Variants in LRTM3 observed in about 807,000 individuals in gnomAD.
LRTM3 encodes leucine-rich repeat transmembrane protein 3.
At chr13:102,745,809 G>T in the LRTM3 span, 1 of 1,551,068 alleles carries the variant, frequency 6.4e-7, no homozygotes, top group African/African-American at 1.4e-5. Flanking sequence ...AACCTAACAT[G>T]ACTCTCTACC....
the LRTM3 span, chr13:102,734,267 T>A: frequency 1.3e-6 from 2 of 1,551,440 alleles, no homozygotes; most frequent in Middle Eastern, 1.7e-4. Context: ...ACTCCTTGCC[T>A]CTGCATCTGC....
the LRTM3 span, chr13:102,733,527 T>C: frequency 5.8e-6 from 9 of 1,551,250 alleles, no homozygotes; most frequent in Non-Finnish European, 4.4e-6. Flanking sequence ...GGACTGATTT[T>C]ATGGTTTAAG....
the LRTM3 span, chr13:102,738,267 T>C: frequency 6.4e-7 from 1 of 1,550,828 alleles, no homozygotes; most frequent in East Asian, 2.4e-5. Flanking sequence ...TTTTGTACTT[T>C]GATTGTGATA....
chr13:102,755,875 TTA>T, the LRTM3 span, among the ~76,000 whole-genome samples: 2 of 142,838 alleles, frequency 1.4e-5, no homozygotes, highest in African/African-American at 2.6e-5. Flanking sequence ...CAAAAAAAGT[TTA>T]TATATATATG....
chr13:102,758,992 C>T, the LRTM3 span: 1 of 1,057,866 alleles, frequency 9.5e-7, no homozygotes, highest in Non-Finnish European at 1.4e-6. Flanking sequence ...TTTCAGAGGC[C>T]CTGAAATATA....
the LRTM3 span, chr13:102,741,551 C>G: frequency 6.5e-7 from 1 of 1,550,108 alleles, no homozygotes; most frequent in Non-Finnish European, 8.7e-7. Flanking sequence ...AGTTACCTTT[C>G]CTGTGTTTTC....
chr13:102,740,275 C>CA, the LRTM3 span: 1 of 1,550,026 alleles, frequency 6.5e-7, no homozygotes, highest in Non-Finnish European at 8.7e-7. Flanking sequence ...CTAAAGGCAG[C>CA]ATTGAATCTT....
the LRTM3 span, chr13:102,734,890 G>A: frequency 6.4e-7 from 1 of 1,551,024 alleles, no homozygotes. Context: ...CCTCTTCCTT[G>A]TTCTGTGACA....
the LRTM3 span, chr13:102,745,191 A>G: frequency 6.4e-7 from 1 of 1,550,900 alleles, no homozygotes; most frequent in Admixed American, 2.0e-5. Context: ...CCTGAACGGA[A>G]CATGAAATGT....
the LRTM3 span, chr13:102,730,052 C>A: frequency 1.3e-6 from 2 of 1,551,442 alleles, no homozygotes; most frequent in South Asian, 2.4e-5. Context: ...ATTTGATGAA[C>A]TATGACACAA....
the LRTM3 span, chr13:102,741,562 C>T: frequency 6.5e-7 from 1 of 1,550,156 alleles, no homozygotes. Context: ...CTGTGTTTTC[C>T]AAATGAAGAG....
the LRTM3 span, among the ~76,000 whole-genome samples, chr13:102,751,281 G>T: frequency 2.0e-5 from 3 of 151,324 alleles, 1 homozygote. Context: ...CTTTAGGCTT[G>T]CAAGTCACCA....
chr13:102,747,023 T>C, the LRTM3 span: 2 of 1,551,308 alleles, frequency 1.3e-6, no homozygotes, highest in Non-Finnish European at 1.7e-6. Flanking sequence ...CTTCTCTAGA[T>C]GTGCATCAAG....
the LRTM3 span, chr13:102,742,418 T>C: frequency 6.5e-7 from 1 of 1,547,236 alleles, no homozygotes; most frequent in Non-Finnish European, 8.7e-7. Flanking sequence ...CAGCTCTTGC[T>C]GTTTCTTTGG....
At chr13:102,730,903 T>C in the LRTM3 span, 1 of 1,551,354 alleles carries the variant, frequency 6.4e-7, no homozygotes, top group African/African-American at 1.4e-5. Flanking sequence ...TTCTGTTTTG[T>C]CGTTTTGGTC....
chr13:102,754,495 C>T, the LRTM3 span, among the ~76,000 whole-genome samples: 107,634 of 151,896 alleles, frequency 0.71, 39,591 homozygotes, highest in South Asian at 0.84. Context: ...TGACCATCTC[C>T]ACCTCCAGGC....
chr13:102,743,477 T>C, the LRTM3 span: 2 of 1,549,252 alleles, frequency 1.3e-6, no homozygotes, highest in South Asian at 2.4e-5. Flanking sequence ...CCCACTGATT[T>C]TATGTATCTG....
At chr13:102,744,366 C>G in the LRTM3 span, 1,226,339 of 1,549,658 alleles carry the variant, frequency 0.79, 489,155 homozygotes, top group South Asian at 0.86. Context: ...GCAGTTTTCT[C>G]AGAAATAGAA....
chr13:102,733,031 T>A, the LRTM3 span: 1 of 1,551,350 alleles, frequency 6.4e-7, no homozygotes, highest in East Asian at 2.4e-5. Flanking sequence ...CTCTGTCATA[T>A]CCATGTGTAT....
Sources: gnomAD v4.1 joint callset for allele counts (sites outside exome capture counted in the v4.1 genomes callset) on GRCh38, gnomAD v4.1.1 for gene constraint, MANE v1.5 for transcripts, NCBI Gene and HGNC (gene_info 2026-07-23, HGNC 2026-07-21) for gene names.